The following ZDHHC1 variants were observed in gnomAD, a reference collection of about 807,000 sequenced individuals.
ZDHHC1 encodes zDHHC palmitoyltransferase 1, also known as palmitoyltransferase ZDHHC1.
In ZDHHC1, 45 loss-of-function variants were observed where a neutral mutation model predicts 46.9. The ratio of observed to expected loss-of-function variants is 0.96; its 90% CI spans 0.76 to 1.23. The LOEUF (loss-of-function observed/expected upper bound fraction) is 1.23. Ranked by LOEUF, ZDHHC1 falls within the 50% of genes most tolerant of loss-of-function variation. The pLI is 0.00. For synonymous variants in ZDHHC1, 291 were observed against 286.0 expected (o/e 1.02, Z -0.18); for missense variants, 649 against 670.8 (o/e 0.97, Z 0.36).
chr16:67,400,704 C>T (rs1031488127), intron 4 of ZDHHC1, among the ~76,000 whole-genome samples: 1 of 152,224 alleles, frequency 6.6e-6, no homozygotes, highest in Non-Finnish European at 1.5e-5. Flanking sequence ...CTGGCAGAGC[C>T]GCTCATTAGA....
At chr16:67,413,073 C>T (rs1038252495) in intron 1 of ZDHHC1, among the ~76,000 whole-genome samples, 1 of 151,650 alleles carries the variant, frequency 6.6e-6, no homozygotes, top group Non-Finnish European at 1.5e-5. Flanking sequence ...AGCCACTGCA[C>T]CCAGCCTATT....
intron 1 of ZDHHC1, among the ~76,000 whole-genome samples, chr16:67,414,375 T>G (rs893370252): frequency 1.3e-5 from 2 of 152,078 alleles, no homozygotes; most frequent in East Asian, 3.8e-4. Flanking sequence ...GAACCACCAG[T>G]TCCACAAAAG....
chr16:67,401,460 G>T lies in ZDHHC1; in HGVS notation c.253-328C>A, dbSNP rs1320248553. On this transcript the variant is annotated intron_variant, in intron 3 of 11. Transcript: ENST00000565726. This position sits in a 1 kb window ranked among gnomAD's most constrained non-coding sequence, Gnocchi z 4.6. ...CAGGCCCTGGCTGGTCTGACCTCAG[G>T]CTGGTTTCTGGTTTCAGATTCCAAA... 6.6e-6 allele frequency among the ~76,000 whole-genome samples: 1 copy of T among 152,212 alleles called. No individual in the cohort carries two copies. The highest frequency in any genetic ancestry group is 1.5e-5 in the Non-Finnish European group (1 of 68,030).
At position 67,399,547 on chromosome 16, in the gene ZDHHC1, G is replaced by A. The variant is rs931729080; in HGVS notation, c.429-91C>T. 3.5e-5 allele frequency: 38 copies of A among 1,075,052 alleles called. No individual in the cohort carries two copies. The African/African-American group carries it at 5.3e-4, about 15-fold the overall frequency. 66.6% of individuals were successfully genotyped at this position (1,075,052 alleles called of 1,614,324 possible). On this transcript the variant is annotated intron_variant, in intron 4 of 11. Coordinates refer to ENST00000565726, the MANE Select transcript of ZDHHC1 (RefSeq NM_001323627.2). Reference sequence around the variant, plus strand: ...GGGTGGTTGAGTGGGGTCTGTGGAGGGACCAAGCGCCAGGCCTGAGACAGC... The same window carrying A: ...GGGTGGTTGAGTGGGGTCTGTGGAGAGACCAAGCGCCAGGCCTGAGACAGC...
intron 7 of ZDHHC1, 49 bp downstream of exon 7, chr16:67,398,524 C>T: frequency 6.4e-7 from 1 of 1,555,210 alleles, no homozygotes. Flanking sequence ...CACCTTCCTG[C>T]AATCTGAGGA....
At chr16:67,409,461 A>G (rs2040716468) in intron 1 of ZDHHC1, among the ~76,000 whole-genome samples, 1 of 152,228 alleles carries the variant, frequency 6.6e-6, no homozygotes, top group Non-Finnish European at 1.5e-5. Flanking sequence ...GACCTCCCTC[A>G]GCAGAGGCAG....
At chr16:67,400,146 GC>G (rs1012824694) in intron 4 of ZDHHC1, among the ~76,000 whole-genome samples, 1 of 152,184 alleles carries the variant, frequency 6.6e-6, no homozygotes, top group Non-Finnish European at 1.5e-5. Flanking sequence ...GCTGGCGGGT[GC>G]CCAGTGAATG....
chr16:67,398,783 G>A (rs1459259082), intron 6 of ZDHHC1, 37 bp downstream of exon 6: 1 of 1,612,486 alleles, frequency 6.2e-7, no homozygotes, highest in East Asian at 2.2e-5. Flanking sequence ...GGGTGACCAG[G>A]GTTGGGGGTG....
At chr16:67,410,952 G>A (rs2040740143) in intron 1 of ZDHHC1, among the ~76,000 whole-genome samples, 1 of 152,122 alleles carries the variant, frequency 6.6e-6, no homozygotes, top group African/African-American at 2.4e-5. Context: ...ACAGGCATGA[G>A]CCACCACGCC....
Position 67,394,711 on chromosome 16 carries a change from G to GTCGGCC in ZDHHC1, c.1342_1347dup (p.Gly448_Arg449dup). The GTCGGCC allele has an allele frequency of 7.5e-7, 1 of 1,341,126 alleles. No individual in the cohort carries two copies. The highest frequency in any genetic ancestry group is 9.5e-7 in the Non-Finnish European group (1 of 1,051,752). The allele number at this position is 1,341,126 out of a possible 1,614,324, so 83.1% of individuals were successfully genotyped here. On this transcript the variant is annotated inframe_insertion, in exon 12 of 12. Coordinates refer to ENST00000565726, the MANE Select transcript of ZDHHC1 (RefSeq NM_001323627.2). ...CGCGCCTGCCGCGCCAGCGTGGGCT[G>GTCGGCC]TCGGCCCCGGCCCCGCGGGGCGGCC...
chr16:67,415,692 G>A (rs188304036), intron 1 of ZDHHC1, among the ~76,000 whole-genome samples: 3 of 152,262 alleles, frequency 2.0e-5, no homozygotes, highest in African/African-American at 7.2e-5. Flanking sequence ...GGGAGGCGGA[G>A]GTTGCAATGA....
At position 67,398,857 on chromosome 16, in the gene ZDHHC1, G is replaced by T. The variant is rs746830838; in HGVS notation, c.618C>A (p.Val206=). 6.2e-7 allele frequency: 1 copy of T among 1,612,982 alleles called. No individual in the cohort carries two copies. Among genetic ancestry groups the T allele is most frequent in the South Asian group, 1.1e-5 (1 of 90,832 alleles). ...VATYVFVEFF[V]NPMRLRTNRH... Reference sequence around the variant, plus strand: ...GGTTGGTGCGCAGACGCATGGGGTTGACAAAGAACTCCACGAAGACATATG... The same window carrying T: ...GGTTGGTGCGCAGACGCATGGGGTTTACAAAGAACTCCACGAAGACATATG... Residue 206 remains valine, a synonymous_variant, in exon 6 of 12, where the codon GTC becomes GTA. Transcript: ENST00000565726.
intron 3 of ZDHHC1, among the ~76,000 whole-genome samples, chr16:67,402,503 G>A (rs183268791): frequency 2.6e-5 from 4 of 152,146 alleles, no homozygotes; most frequent in South Asian, 2.1e-4. Context: ...CTCTTCTCCC[G>A]CCTCACCCCC....
At chr16:67,396,671 G>T (rs973318916) in intron 8 of ZDHHC1, among the ~76,000 whole-genome samples, 2 of 152,202 alleles carry the variant, frequency 1.3e-5, no homozygotes, top group Non-Finnish European at 2.9e-5. Flanking sequence ...AGAGGGGTGT[G>T]GGGGCGCCAG....
chr16:67,397,258 G>C (rs2040451306), intron 8 of ZDHHC1, among the ~76,000 whole-genome samples: 1 of 152,228 alleles, frequency 6.6e-6, no homozygotes, highest in Non-Finnish European at 1.5e-5. Context: ...GCTTGAGAAA[G>C]TCTCCTGCCT....
intron 3 of ZDHHC1, among the ~76,000 whole-genome samples, chr16:67,403,649 G>A (rs553285892): frequency 4.7e-5 from 7 of 149,592 alleles, no homozygotes; most frequent in Non-Finnish European, 8.9e-5. Context: ...TCCCTCTGTT[G>A]CCCAGGCTGG....
intron 9 of ZDHHC1, 47 bp downstream of exon 9, chr16:67,395,437 C>T (rs1315231095): frequency 1.3e-6 from 2 of 1,549,242 alleles, no homozygotes; most frequent in African/African-American, 1.4e-5. Context: ...ATGGCCCTGC[C>T]ATGCTAACTG....
At chr16:67,395,775 C>A (rs1322554287) in intron 8 of ZDHHC1, 10 of 590,490 alleles carry the variant, frequency 1.7e-5, no homozygotes, top group Middle Eastern at 4.5e-4. Context: ...CAGGTCCTTA[C>A]CTCATCTATT....
Position 67,394,872 on chromosome 16 carries a change from C to A in ZDHHC1, c.1187G>T (p.Arg396Leu), listed in dbSNP as rs957517183. 6.4e-7 allele frequency: 1 copy of A among 1,567,746 alleles called. No individual in the cohort carries two copies. The highest frequency in any genetic ancestry group is 1.8e-5 in the Admixed American group (1 of 54,144). ...PASGPRAPSR[R>L]SSSSTDSADA... ...CGCGGAATCCGTCGACGAGCTGGAG[C>A]GGCGGCTGGGGGCCCTAGGCCCTGC... is the stretch of plus-strand genomic sequence containing the variant. The change falls in exon 12 of 12, where the codon CGC (arginine) becomes CTC (leucine). Residue 396 changes from arginine (R) to leucine (L), a missense_variant. Arg to Leu is a moderately radical substitution (Grantham distance 102, BLOSUM62 -2). Transcript: ENST00000565726.
Sources: gnomAD v4.1 joint callset for allele counts (sites outside exome capture counted in the v4.1 genomes callset) on GRCh38, gnomAD v4.1.1 for gene constraint, Gnocchi (gnomAD v3.1) non-coding constraint, MANE v1.5 for transcripts, NCBI Gene and HGNC (gene_info 2026-07-23, HGNC 2026-07-21) for gene names.